The following ADGRL3 variants were observed in gnomAD, a reference collection of about 807,000 sequenced individuals.
ADGRL3 encodes the protein calcium-independent alpha-latrotoxin receptor 3.
A neutral mutation model predicts 153.5 loss-of-function variants in ADGRL3; 62 were observed. The ratio of observed to expected loss-of-function variants is 0.40; its 90% CI spans 0.33 to 0.50. The LOEUF is 0.50. ADGRL3 is among the 20% of genes least tolerant of loss of function. The pLI is 0.47. For missense variants in ADGRL3, 1,641 were observed against 1,859.4 expected (o/e 0.88, Z 2.16); for synonymous variants, 710 against 672.5 (o/e 1.06, Z -0.86).
intron 5 of ADGRL3, among the ~76,000 whole-genome samples, chr4:61,608,105 T>C (rs937261007): frequency 6.6e-6 from 1 of 152,260 alleles, no homozygotes; most frequent in African/African-American, 2.4e-5. Context: ...TGGCATTCCA[T>C]AGGAGGAGAG....
At chr4:61,680,306 A>T (rs202210729) in intron 6 of ADGRL3, among the ~76,000 whole-genome samples, 1 of 96,544 alleles carries the variant, frequency 1.0e-5, no homozygotes, top group African/African-American at 3.9e-5. Flanking sequence ...ATTTATGACC[A>T]CAAACTTTAG....
rs370425535 is a variant in ADGRL3 at position 61,799,324 on chromosome 4, T to C, written c.1400-14485T>C. Among the ~76,000 whole-genome samples the C allele has an allele frequency of 6.2e-4, 94 of 152,128 alleles. 1 individual carries two copies. The highest frequency in any genetic ancestry group is 2.2e-3 in the African/African-American group (90 of 41,494). On this transcript the variant is annotated intron_variant, in intron 8 of 26. Coordinates refer to ENST00000683033, the MANE Select transcript of ADGRL3 (RefSeq NM_001387552.1). The stretch of plus-strand genomic sequence containing the variant: ...CAAACTTCTTCTGTAAAAGACCAGA[T>C]AGTCAATATTTTAGGTTTTGCAGGC...
chr4:61,701,430 ATTTTTT>A (rs71664995), intron 6 of ADGRL3, among the ~76,000 whole-genome samples: 1 of 105,418 alleles, frequency 9.5e-6, no homozygotes, highest in Non-Finnish European at 1.8e-5. Context: ...TAAAGGTACA[ATTTTTT>A]TTTTTTTTTT....
At chr4:61,456,355 ATATAGAGATATAGATATATC>A (rs1465161973) in intron 2 of ADGRL3, among the ~76,000 whole-genome samples, 2 of 143,962 alleles carry the variant, frequency 1.4e-5, no homozygotes, top group African/African-American at 2.6e-5. Context: ...AAGGAGATAT[ATATAGAGATATAGATATATC>A]TATATATATA....
chr4:62,010,157 G>A (rs2099178311), intron 21 of ADGRL3, among the ~76,000 whole-genome samples: 1 of 152,084 alleles, frequency 6.6e-6, no homozygotes, highest in Admixed American at 6.6e-5. Flanking sequence ...TTCAACATTG[G>A]CTGCTCTATC....
At chr4:61,543,311 C>T (rs2098699406) in intron 4 of ADGRL3, among the ~76,000 whole-genome samples, 1 of 151,740 alleles carries the variant, frequency 6.6e-6, no homozygotes, top group South Asian at 2.1e-4. Flanking sequence ...TCTCAAAGAC[C>T]CTTAAAAGTG....
chr4:61,753,226 G>A (rs11732258), intron 8 of ADGRL3, among the ~76,000 whole-genome samples: 85,256 of 144,832 alleles, frequency 0.59, 27,035 homozygotes, highest in African/African-American at 0.83. Flanking sequence ...GCACATTTCT[G>A]TGAAAAAAAA....
chr4:61,208,858 C>G (rs1738527012), intron 1 of ADGRL3, among the ~76,000 whole-genome samples: 1 of 152,042 alleles, frequency 6.6e-6, no homozygotes, highest in African/African-American at 2.4e-5. Context: ...ATCTAAGCAC[C>G]ACAACAAGCC....
At chr4:61,882,958 C>A (rs1046183378) in intron 9 of ADGRL3, among the ~76,000 whole-genome samples, 2 of 151,960 alleles carry the variant, frequency 1.3e-5, no homozygotes, top group Non-Finnish European at 2.9e-5. Flanking sequence ...CACACACATG[C>A]ACACAAAATT....
intron 4 of ADGRL3, among the ~76,000 whole-genome samples, chr4:61,525,951 A>G (rs547939089): frequency 2.0e-5 from 3 of 152,224 alleles, no homozygotes; most frequent in South Asian, 2.1e-4. Context: ...AAAGTTGGCA[A>G]TTTCTGACAG....
At chr4:61,928,948 C>T (rs546152629) in intron 13 of ADGRL3, among the ~76,000 whole-genome samples, 16 of 151,842 alleles carry the variant, frequency 1.1e-4, no homozygotes, top group South Asian at 8.4e-4. Context: ...AAATTTACTC[C>T]GAGAAAACAC....
intron 4 of ADGRL3, among the ~76,000 whole-genome samples, chr4:61,552,041 A>G (rs551934967): frequency 1.4e-4 from 21 of 152,336 alleles, no homozygotes; most frequent in African/African-American, 4.6e-4. Flanking sequence ...GATTACATTT[A>G]TTATAACAAT....
chr4:61,977,655 G>C (rs1041432836), intron 17 of ADGRL3, among the ~76,000 whole-genome samples: 1 of 152,064 alleles, frequency 6.6e-6, no homozygotes, highest in Non-Finnish European at 1.5e-5. Flanking sequence ...TATGAGGAGT[G>C]TTATGATTCA....
chr4:61,919,799 C>T (rs374566990), intron 13 of ADGRL3, among the ~76,000 whole-genome samples: 11 of 152,112 alleles, frequency 7.2e-5, no homozygotes, highest in Admixed American at 5.9e-4. Context: ...ATTCCCCTGG[C>T]GAATGTGTCA....
chr4:61,813,485 CTTTTG>C (rs1418122182), intron 8 of ADGRL3, among the ~76,000 whole-genome samples: 2 of 151,952 alleles, frequency 1.3e-5, no homozygotes, highest in Admixed American at 6.6e-5. Context: ...AAAATAAGGA[CTTTTG>C]TTTTATATGT....
intron 1 of ADGRL3, among the ~76,000 whole-genome samples, chr4:61,294,903 TCACACA>T (rs3035670): frequency 0.013 from 1,735 of 130,776 alleles, 11 homozygotes; most frequent in African/African-American, 0.019. Flanking sequence ...ACACACACAC[TCACACA>T]CACACACACA....
chr4:61,284,158 A>T (rs776778224), intron 1 of ADGRL3, among the ~76,000 whole-genome samples: 3 of 152,006 alleles, frequency 2.0e-5, no homozygotes, highest in Non-Finnish European at 2.9e-5. Context: ...CAGATACCTT[A>T]CAAACAACTG....
Position 61,948,282 on chromosome 4 carries a change from A to C in ADGRL3, c.2805+6A>C, listed in dbSNP as rs927041650. ...TGGCACATGTGGAAGTTAAGGTAAGATATATACCATACAATGAAAATGTTT... is the reference window on the plus strand; with the variant it reads ...TGGCACATGTGGAAGTTAAGGTAAGCTATATACCATACAATGAAAATGTTT... On this transcript the variant is annotated splice_donor_region_variant and intron_variant, in intron 17 of 26. Transcript: ENST00000683033. 4 of 1,607,076 alleles carry C rather than the reference A, an allele frequency of 2.5e-6. No homozygotes were observed.
Position 61,561,338 on chromosome 4 carries a change from T to C in ADGRL3, c.260-25889T>C, listed in dbSNP as rs573890687. 1.2e-4 allele frequency among the ~76,000 whole-genome samples: 18 copies of C among 152,312 alleles called. No homozygotes were observed. In the South Asian group the frequency reaches 3.5e-3, roughly 30 times the overall value. ...AAGTAATGTATATGTTGGAAAATGA[T>C]AGACATTTTATTGATCAAGATTTAA... On this transcript the variant is annotated intron_variant, in intron 4 of 26. Coordinates refer to ENST00000683033, the MANE Select transcript of ADGRL3 (RefSeq NM_001387552.1).
Sources: gnomAD v4.1 joint callset for allele counts (sites outside exome capture counted in the v4.1 genomes callset) on GRCh38, gnomAD v4.1.1 for gene constraint, MANE v1.5 for transcripts, NCBI Gene and HGNC (gene_info 2026-07-23, HGNC 2026-07-21) for gene names.